TM7SF3: variants seen among roughly 807,000 people sequenced by gnomAD.
TM7SF3 encodes the protein seven span transmembrane protein.
Under a neutral mutation model 65.5 loss-of-function variants are expected in TM7SF3, and 60 were observed. The ratio of observed to expected loss-of-function variants is 0.92; its 90% confidence interval spans 0.74 to 1.14. The LOEUF is 1.14. Among genes scored for constraint, TM7SF3 ranks in the 50% most tolerant of loss-of-function variants. The pLI is 0.00. For missense variants in TM7SF3, 623 were observed against 684.8 expected, an observed-to-expected ratio of 0.91 and a Z score of 1.01; for synonymous variants, 264 against 259.6, an observed-to-expected ratio of 1.02 and a Z score of -0.16.
At chr12:27,009,493 T>A (rs571167912) in intron 1 of TM7SF3, among the ~76,000 whole-genome samples, 1 of 152,372 alleles carries the variant, frequency 6.6e-6, no homozygotes, top group South Asian at 2.1e-4. Flanking sequence ...ACATATCCCA[T>A]GATTATCATC....
intron 1 of TM7SF3, among the ~76,000 whole-genome samples, chr12:27,011,876 C>A (rs1941256670): frequency 2.0e-5 from 3 of 152,114 alleles, no homozygotes; most frequent in Non-Finnish European, 4.4e-5. Context: ...AAATTAATTT[C>A]TCAATTTATT....
chr12:26,993,362 T>C (rs1292647278), intron 5 of TM7SF3, among the ~76,000 whole-genome samples: 2 of 152,230 alleles, frequency 1.3e-5, no homozygotes, highest in East Asian at 3.8e-4. Flanking sequence ...AGTATTCTCA[T>C]AAAGTATTCC....
chr12:26,984,296 G>A (rs1939945317), intron 6 of TM7SF3, among the ~76,000 whole-genome samples: 1 of 152,118 alleles, frequency 6.6e-6, no homozygotes, highest in Non-Finnish European at 1.5e-5. Flanking sequence ...AGGCCTGGTG[G>A]CACATGCCTG....
chr12:26,981,145 A>G (rs377583100), intron 7 of TM7SF3, among the ~76,000 whole-genome samples: 1 of 152,228 alleles, frequency 6.6e-6, no homozygotes, highest in Non-Finnish European at 1.5e-5. Flanking sequence ...ATGATCAATC[A>G]TTACCTTCAT....
intron 1 of TM7SF3, among the ~76,000 whole-genome samples, chr12:27,011,802 GAAT>G (rs1941253478): frequency 6.6e-6 from 1 of 152,098 alleles, no homozygotes; most frequent in Non-Finnish European, 1.5e-5. Context: ...AAGGCAAAAA[GAAT>G]AACATTGAGG....
rs773857320 is a variant in TM7SF3, at chr12:26,999,507, G to A, written c.397+19C>T. The A allele has an allele frequency of 6.2e-7, 1 of 1,612,688 alleles. No homozygotes were observed. The highest frequency in any genetic ancestry group is 1.7e-5 in the Admixed American group (1 of 59,974). On this transcript the variant is annotated intron_variant, in intron 3 of 11. Transcript: ENST00000343028. ...CCATATTCCAAAGAGTAAGAGGGAG[G>A]AGAAGACAGAAGGGTTACCTCTTTC...
At chr12:26,994,684 C>T (rs1238341766) in intron 5 of TM7SF3, among the ~76,000 whole-genome samples, 1 of 152,226 alleles carries the variant, frequency 6.6e-6, no homozygotes, top group Non-Finnish European at 1.5e-5. Context: ...AATTCTGATT[C>T]AGTAGTTCCA....
intron 9 of TM7SF3, among the ~76,000 whole-genome samples, chr12:26,976,795 A>G (rs1313419242): frequency 6.6e-6 from 1 of 152,244 alleles, no homozygotes; most frequent in African/African-American, 2.4e-5. Context: ...TTCAAAGTTA[A>G]GCCATGAACC....
chr12:26,974,259 C>T lies in TM7SF3; in HGVS notation c.1451-32G>A, dbSNP rs902495039. ...AACAGTAGAAAAAGTACAGTTTGAACTCTAGTATTTTAAAATCTAACATAA... is the reference window on the plus strand; with the variant it reads ...AACAGTAGAAAAAGTACAGTTTGAATTCTAGTATTTTAAAATCTAACATAA... On this transcript the variant is annotated intron_variant, in intron 11 of 11. Transcript: ENST00000343028. The T allele has an allele frequency of 3.1e-6, 5 of 1,593,226 alleles. No individual in the cohort carries two copies. The African/African-American group carries it at 5.4e-5, about 17-fold the overall frequency.
rs752026818 is a variant in TM7SF3 at position 26,974,156 on chromosome 12, C to T, written c.1522G>A (p.Gly508Arg). 8 of 1,614,024 alleles carry T rather than the reference C, an allele frequency of 5.0e-6. No individual in the cohort carries two copies. Among genetic ancestry groups the T allele is most frequent in the Non-Finnish European group, 6.8e-6 (8 of 1,180,008 alleles). ...GGGTGGGGAGGGAAGAACGGTCGTC[C>T]TCTCTCTCTTCGAATCTGTAACGTA... is the stretch of plus-strand genomic sequence containing the variant. ...GITLQIRRER[G>R]RPFFPPHPYK... Residue 508 changes from glycine to arginine, a missense_variant, in exon 12 of 12, where the codon GGA (glycine) becomes AGA (arginine). Transcript: ENST00000343028.
intron 6 of TM7SF3, among the ~76,000 whole-genome samples, chr12:26,989,008 T>C (rs11048798): frequency 0.32 from 48,981 of 152,132 alleles, 7,996 homozygotes; most frequent in East Asian, 0.45. Flanking sequence ...TACTTTTCTC[T>C]AGCTCATTTT....
At position 26,990,488 on chromosome 12, in the gene TM7SF3, C is replaced by T; in HGVS notation, c.830G>A (p.Cys277Tyr). The change falls in exon 6 of 12, where the codon TGC (cysteine) becomes TAC (tyrosine). Residue 277 changes from cysteine (C) to tyrosine (Y), a missense_variant. Transcript: ENST00000343028. ...ACTACCCTCTCCTGCCTCAAAGCTGCAAGCGTATGTGTGAGCAGGAATGTA... is the reference window on the plus strand; with the variant it reads ...ACTACCCTCTCCTGCCTCAAAGCTGTAAGCGTATGTGTGAGCAGGAATGTA... ...AAYIPAHTYA[C>Y]SFEAGEGSCA... 1 of 1,614,008 alleles carries T rather than the reference C, an allele frequency of 6.2e-7. No homozygotes were observed. Among genetic ancestry groups the T allele is most frequent in the Non-Finnish European group, 8.5e-7 (1 of 1,179,904 alleles).
At position 26,996,876 on chromosome 12, in the gene TM7SF3, A is replaced by G. The variant is rs754407350; in HGVS notation, c.398-14T>C. On this transcript the variant is annotated splice_polypyrimidine_tract_variant and intron_variant, in intron 3 of 11. Coordinates refer to ENST00000343028, the MANE Select transcript of TM7SF3 (RefSeq NM_016551.3). ...CAGGGACAGGATCTGGATAAGAAAT[A>G]GGGAAGTTACTAAACAAACAATTCC... 3 of 1,598,974 alleles carry G rather than the reference A, an allele frequency of 1.9e-6. No individual in the cohort carries two copies. In the East Asian group the frequency reaches 6.7e-5, roughly 36 times the overall value.
chr12:27,006,196 T>C (rs2136449860), intron 1 of TM7SF3, among the ~76,000 whole-genome samples: 1 of 144,470 alleles, frequency 6.9e-6, no homozygotes, highest in African/African-American at 2.6e-5. Flanking sequence ...TGGAGTGCAG[T>C]GGCGCAATCT....
intron 1 of TM7SF3, among the ~76,000 whole-genome samples, chr12:27,008,741 T>C (rs1183897368): frequency 1.3e-5 from 2 of 152,180 alleles, no homozygotes; most frequent in Non-Finnish European, 2.9e-5. Flanking sequence ...GTTCATCTAC[T>C]TGACAGCAAC....
chr12:26,977,278 G>T (rs913146403), intron 9 of TM7SF3, among the ~76,000 whole-genome samples: 1 of 152,192 alleles, frequency 6.6e-6, no homozygotes, highest in East Asian at 1.9e-4. Flanking sequence ...TACATATGTG[G>T]CTTTCTTGTA....
At chr12:26,974,556 A>G (rs1308007068) in intron 11 of TM7SF3, among the ~76,000 whole-genome samples, 2 of 152,168 alleles carry the variant, frequency 1.3e-5, no homozygotes, top group Non-Finnish European at 2.9e-5. Flanking sequence ...GGGTTCGGGG[A>G]GGAAGGCAGT....
rs544214154 is a variant in TM7SF3, at chr12:26,999,547, G to C, written c.376C>G (p.Leu126Val). ...GIQPVQNMAI[L>V]LSYSERDPVP... ...TTACCTCTTTCTGAGTAGGAGAGTAGGATAGCCATATTCTGGACAGGCTGT... is the reference window on the plus strand; with the variant it reads ...TTACCTCTTTCTGAGTAGGAGAGTACGATAGCCATATTCTGGACAGGCTGT... The change falls in exon 3 of 12, where the codon CTA becomes GTA. Residue 126 changes from leucine (L) to valine (V), a missense_variant. Coordinates refer to ENST00000343028, the MANE Select transcript of TM7SF3 (RefSeq NM_016551.3). The C allele has an allele frequency of 7.4e-6, 12 of 1,613,842 alleles. No homozygotes were observed. In the South Asian group the frequency reaches 1.3e-4, roughly 18 times the overall value.
chr12:26,978,138 G>T, intron 9 of TM7SF3: 1 of 425,906 alleles, frequency 2.3e-6, no homozygotes, highest in South Asian at 1.7e-5. Context: ...GCATTGAGGA[G>T]ATGATCACTC....
Sources: allele counts gnomAD v4.1 joint callset (sites outside exome capture counted in the v4.1 genomes callset), GRCh38; gene constraint gnomAD v4.1.1; transcripts MANE v1.5; gene names NCBI Gene and HGNC (gene_info 2026-07-23, HGNC 2026-07-21).